Variants in CELF2 observed in about 807,000 individuals in gnomAD.
CELF2 encodes the protein CUGBP Elav-like family member 2.
Under a neutral mutation model 62.6 loss-of-function variants are expected in CELF2, and 8 were observed. That is an observed-to-expected ratio of 0.13 (90% CI 0.07 to 0.23). CELF2 has a LOEUF of 0.23. Among genes scored for constraint, CELF2 ranks in the 10% least tolerant of loss-of-function variants. The pLI, the probability that CELF2 is intolerant of heterozygous loss-of-function variation, is 1.00. For missense variants in CELF2, 333 were observed against 671.0 expected (o/e 0.50, Z 5.56); for synonymous variants, 258 against 250.0 (o/e 1.03, Z -0.30).
the CELF2 span, among the ~76,000 whole-genome samples, chr10:10,573,223 G>C: frequency 6.6e-6 from 1 of 151,980 alleles, no homozygotes; most frequent in Non-Finnish European, 1.5e-5. Flanking sequence ...TTGTAACTTT[G>C]TTTAAGTTCC....
chr10:10,661,228 C>G, the CELF2 span, among the ~76,000 whole-genome samples: 1 of 152,176 alleles, frequency 6.6e-6, no homozygotes, highest in African/African-American at 2.4e-5. Flanking sequence ...CCATGGATTA[C>G]TCGTCTACGG....
At chr10:11,250,418 ACTTTACT>A (rs2076796972) in intron 4 of CELF2, among the ~76,000 whole-genome samples, 1 of 152,238 alleles carries the variant, frequency 6.6e-6, no homozygotes, top group Non-Finnish European at 1.5e-5. Flanking sequence ...TCAGCCCTGC[ACTTTACT>A]TAGGGTTAAT....
At chr10:11,179,796 A>C (rs1393604796) in intron 2 of CELF2, among the ~76,000 whole-genome samples, 1 of 152,154 alleles carries the variant, frequency 6.6e-6, no homozygotes, top group East Asian at 1.9e-4. Context: ...GAACAACTGC[A>C]TTGTACAAAC....
At chr10:11,152,706 G>A (rs767709202) in intron 1 of CELF2, among the ~76,000 whole-genome samples, 4 of 152,184 alleles carry the variant, frequency 2.6e-5, no homozygotes, top group African/African-American at 4.8e-5. Flanking sequence ...GAACTGTGCT[G>A]TAGTTCACAA....
intron 1 of CELF2, among the ~76,000 whole-genome samples, chr10:11,095,022 G>A (rs1166158754): frequency 6.6e-6 from 1 of 152,112 alleles, no homozygotes; most frequent in East Asian, 1.9e-4. Context: ...GATTCGATTT[G>A]CTTTTGATCT....
At chr10:10,906,761 C>A (rs1447169483) in intron 1 of CELF2, among the ~76,000 whole-genome samples, 1 of 143,856 alleles carries the variant, frequency 7.0e-6, no homozygotes, top group Admixed American at 7.5e-5. Flanking sequence ...ACTCTGTCGC[C>A]AGGCTGTAGT....
chr10:10,653,411 T>C, the CELF2 span, among the ~76,000 whole-genome samples: 16 of 148,662 alleles, frequency 1.1e-4, no homozygotes, highest in African/African-American at 3.2e-4. Context: ...CAACAGAATA[T>C]ACAATTTTTT....
the CELF2 span, among the ~76,000 whole-genome samples, chr10:10,732,852 A>G: frequency 6.6e-6 from 1 of 152,144 alleles, no homozygotes; most frequent in Non-Finnish European, 1.5e-5. Flanking sequence ...AAAAGTCAAG[A>G]ATCTGAACCT....
chr10:10,862,410 T>TCATCTGGAA (rs965589842), intron 1 of CELF2, among the ~76,000 whole-genome samples: 4 of 152,170 alleles, frequency 2.6e-5, no homozygotes, highest in African/African-American at 9.7e-5. Flanking sequence ...ATGCTGGTTG[T>TCATCTGGAA]CATCTGGAAC....
intron 1 of CELF2, among the ~76,000 whole-genome samples, chr10:10,863,533 G>C (rs2060169956): frequency 6.6e-6 from 1 of 152,082 alleles, no homozygotes; most frequent in Admixed American, 6.5e-5. Flanking sequence ...ATGGGGCTAG[G>C]GTGTTGAAAG....
At position 11,334,815 on chromosome 10, in the gene CELF2, T is replaced by G. The variant is rs1229016863; in HGVS notation, c.*5762T>G. ...CTCTTCTTAGACACTAATCACTTTC[T>G]AAAAGAAGTGAGTTCTCCAGGGAAG... is the stretch of plus-strand genomic sequence containing the variant. On this transcript the variant is annotated 3_prime_UTR_variant, in exon 13 of 13. Transcript: ENST00000633077. 6.6e-6 allele frequency: 1 copy of G among 152,212 alleles called. No individual in the cohort carries two copies. Among genetic ancestry groups the G allele is most frequent in the African/African-American group, 2.4e-5 (1 of 41,452 alleles). The allele number at this position is 152,212 out of a possible 1,614,324, so 9.4% of individuals were successfully genotyped here.
chr10:10,556,554 G>A, the CELF2 span, among the ~76,000 whole-genome samples: 4 of 152,146 alleles, frequency 2.6e-5, no homozygotes, highest in Non-Finnish European at 2.9e-5. Flanking sequence ...ACCCAGTAAT[G>A]GGATGGCTGG....
chr10:10,557,253 G>A, the CELF2 span, among the ~76,000 whole-genome samples: 96 of 146,540 alleles, frequency 6.6e-4, no homozygotes, highest in East Asian at 0.013. Context: ...TCTACATATG[G>A]CTAGCCAGTT....
intron 1 of CELF2, among the ~76,000 whole-genome samples, chr10:10,848,103 A>G (rs998289894): frequency 1.3e-5 from 2 of 152,190 alleles, no homozygotes; most frequent in Non-Finnish European, 2.9e-5. Flanking sequence ...TATATTGTGC[A>G]TATCAGTTCA....
chr10:11,310,233 G>GTAGT, intron 9 of CELF2, among the ~76,000 whole-genome samples: 1 of 152,166 alleles, frequency 6.6e-6, no homozygotes, highest in Non-Finnish European at 1.5e-5. Flanking sequence ...GTCAATGTTG[G>GTAGT]TAGTCTCCCC....
In CELF2 at chr10:10,971,699, G is replaced by A. The variant is rs183877868; in HGVS notation, c.89+51700G>A. On this transcript the variant is annotated intron_variant, in intron 2 of 13. Transcript: ENST00000636488. ...CCTCCCAGGTTCAAGCAATTCTTGT[G>A]CCTCAGCCTCCCAAGTAGCTGGGAC... is the stretch of plus-strand genomic sequence containing the variant. 4.1e-3 allele frequency among the ~76,000 whole-genome samples: 624 copies of A among 152,262 alleles called. 7 individuals are homozygous for A. The highest frequency in any genetic ancestry group is 0.013 in the African/African-American group (532 of 41,550).
Position 11,226,494 on chromosome 10 carries a change from A to C in CELF2, c.354+8987A>C, listed in dbSNP as rs568826801. ...CTGCCCCACTCCTGCAGCTCGTCAT[A>C]GATGTGGAACAGCAGGACCATGACA... On this transcript the variant is annotated intron_variant, in intron 3 of 12. Coordinates refer to ENST00000633077, the MANE Select transcript of CELF2 (RefSeq NM_001326342.2). 3.9e-5 allele frequency among the ~76,000 whole-genome samples: 6 copies of C among 152,314 alleles called. No individual in the cohort carries two copies. The East Asian group carries it at 1.2e-3, about 29-fold the overall frequency.
chr10:10,524,044 A>G, the CELF2 span, among the ~76,000 whole-genome samples: 1 of 152,326 alleles, frequency 6.6e-6, no homozygotes, highest in Admixed American at 6.5e-5. Flanking sequence ...AGCACAGACA[A>G]CTAGAAGTTG....
At chr10:11,087,290 A>G (rs1241186530) in intron 1 of CELF2, among the ~76,000 whole-genome samples, 4 of 152,160 alleles carry the variant, frequency 2.6e-5, no homozygotes, top group Admixed American at 6.5e-5. Context: ...TGTGTTTCGT[A>G]TATATTGGGA....
Sources: gnomAD v4.1 joint callset for allele counts (sites outside exome capture counted in the v4.1 genomes callset) on GRCh38, gnomAD v4.1.1 for gene constraint, MANE v1.5 for transcripts, NCBI Gene and HGNC (gene_info 2026-07-23, HGNC 2026-07-21) for gene names.